SPECC1: variants seen among roughly 807,000 people sequenced by gnomAD.
SPECC1 encodes the protein cytospin-B.
In SPECC1, 62 loss-of-function variants were observed where a neutral mutation model predicts 104.1. The observed-to-expected ratio is 0.60, with a 90% CI of 0.49 to 0.74. The LOEUF (loss-of-function observed/expected upper bound fraction) is 0.74, where lower values mean the gene tolerates loss of function less well. SPECC1 is among the 30% of genes least tolerant of loss of function. The pLI is 0.00. For synonymous variants in SPECC1, 513 were observed against 501.6 expected, an observed-to-expected ratio of 1.02 and a Z score of -0.30; for missense variants, 1,306 against 1,310.5, an observed-to-expected ratio of 1.00 and a Z score of 0.05.
intron 1 of SPECC1, among the ~76,000 whole-genome samples, chr17:20,014,989 A>G (rs954229101): frequency 1.3e-5 from 2 of 152,166 alleles, no homozygotes; most frequent in African/African-American, 2.4e-5. Flanking sequence ...TCCTGACCTC[A>G]GGTGATCCAC....
Position 20,132,791 on chromosome 17 carries a change from G to A in SPECC1, c.283+22229G>A, listed in dbSNP as rs557976569. Among the ~76,000 whole-genome samples, 13 of 151,988 alleles carry A rather than the reference G, an allele frequency of 8.6e-5. No homozygotes were observed. In the South Asian group the frequency reaches 2.5e-3, roughly 29 times the overall value. ...GTCTCGCTCTGTCACCCAGGCTGGA[G>A]TGCAGTGGCGTGATCTCGGCTCACT... On this transcript the variant is annotated intron_variant, in intron 3 of 14. Coordinates refer to ENST00000395527, the MANE Select transcript of SPECC1 (RefSeq NM_001243439.2).
chr17:20,109,789 C>T (rs2048392282), intron 2 of SPECC1, among the ~76,000 whole-genome samples: 1 of 152,116 alleles, frequency 6.6e-6, no homozygotes, highest in African/African-American at 2.4e-5. Context: ...GCCTTTTGTG[C>T]ATCTCCCAGT....
intron 12 of SPECC1, chr17:20,290,274 A>G (rs1320845032): frequency 1.3e-5 from 2 of 152,082 alleles, no homozygotes; most frequent in African/African-American, 2.4e-5. Flanking sequence ...CTTTGGCAAC[A>G]TACATACCAA....
intron 1 of SPECC1, among the ~76,000 whole-genome samples, chr17:20,023,735 C>T (rs76965466): frequency 0.069 from 10,477 of 151,778 alleles, 975 homozygotes; most frequent in African/African-American, 0.21. Context: ...AAAATCCACA[C>T]GTGGAATCGT....
chr17:20,183,329 T>C (rs888910797), intron 3 of SPECC1, among the ~76,000 whole-genome samples: 13 of 152,222 alleles, frequency 8.5e-5, no homozygotes, highest in Admixed American at 1.3e-4. Context: ...ATTGAAAATA[T>C]GTTTCTCTTG....
chr17:20,310,807 T>A (rs2041908674), intron 14 of SPECC1, among the ~76,000 whole-genome samples: 1 of 152,260 alleles, frequency 6.6e-6, no homozygotes. Flanking sequence ...GTAAACTTAA[T>A]GAGCTGTGCT....
At position 20,125,731 on chromosome 17, in the gene SPECC1, C is replaced by T. The variant is rs1328166171; in HGVS notation, c.283+15169C>T. On this transcript the variant is annotated intron_variant, in intron 3 of 14. Transcript: ENST00000395527. ...TTCCTTTTAAAGGCTGAATAATATT[C>T]GATCGTCTGGATAGCCACACTTTGT... Among the ~76,000 whole-genome samples the T allele has an allele frequency of 2.6e-5, 4 of 152,228 alleles. No individual in the cohort carries two copies. The East Asian group carries it at 5.8e-4, about 22-fold the overall frequency.
intron 3 of SPECC1, among the ~76,000 whole-genome samples, chr17:20,113,209 G>A (rs538868390): frequency 1.3e-5 from 2 of 151,994 alleles, no homozygotes; most frequent in Admixed American, 1.3e-4. Context: ...AATAGATATA[G>A]GGAAACTAGA....
At chr17:20,145,281 A>G (rs764990337) in intron 3 of SPECC1, among the ~76,000 whole-genome samples, 3 of 152,328 alleles carry the variant, frequency 2.0e-5, no homozygotes, top group South Asian at 2.1e-4. Context: ...GCTTGTAAGT[A>G]GAGAAAAAGA....
At chr17:20,060,470 G>A (rs1435937835) in intron 1 of SPECC1, among the ~76,000 whole-genome samples, 1 of 151,984 alleles carries the variant, frequency 6.6e-6, no homozygotes, top group East Asian at 1.9e-4. Context: ...AACACAGTGA[G>A]ACTCCGACTC....
Position 20,255,126 on chromosome 17 carries a change from A to G in SPECC1, c.2680+1540A>G, listed in dbSNP as rs140562820. 8.5e-5 allele frequency among the ~76,000 whole-genome samples: 13 copies of G among 152,236 alleles called. No homozygotes were observed. In the East Asian group the frequency reaches 2.3e-3, roughly 27 times the overall value. On this transcript the variant is annotated intron_variant, in intron 10 of 14. Coordinates refer to ENST00000395527, the MANE Select transcript of SPECC1 (RefSeq NM_001243439.2). ...GTGATTGCTCGAGTAATAGCTTTCT[A>G]AAGTGGTGAAAGTTTACGTGGGACT...
At chr17:20,292,719 C>T (rs962887976) in intron 12 of SPECC1, among the ~76,000 whole-genome samples, 2 of 152,194 alleles carry the variant, frequency 1.3e-5, no homozygotes, top group African/African-American at 4.8e-5. Flanking sequence ...GGATCAGCTT[C>T]CCAGTGGCCC....
At chr17:20,057,473 A>T (rs114444304) in intron 1 of SPECC1, among the ~76,000 whole-genome samples, 10,784 of 152,014 alleles carry the variant, frequency 0.071, 535 homozygotes, top group African/African-American at 0.14. Context: ...AACAGCAAAA[A>T]ACAGGAAGGT....
intron 7 of SPECC1, among the ~76,000 whole-genome samples, chr17:20,234,815 G>A (rs546382841): frequency 6.6e-6 from 1 of 152,338 alleles, no homozygotes; most frequent in African/African-American, 2.4e-5. Context: ...AAGCACCTGG[G>A]CAGAAATGCA....
At chr17:20,256,069 G>T (rs567054940) in intron 10 of SPECC1, among the ~76,000 whole-genome samples, 149 of 151,982 alleles carry the variant, frequency 9.8e-4, no homozygotes, top group Non-Finnish European at 1.8e-3. Flanking sequence ...AGTAGAGATG[G>T]GGTTTCACCG....
Position 20,212,152 on chromosome 17 carries a change from C to G in SPECC1, c.1863+6240C>G, listed in dbSNP as rs186655798. On this transcript the variant is annotated intron_variant, in intron 4 of 14. Transcript: ENST00000395527. ...CTGAAGTGTAAATAAACTAACATTT[C>G]CTCCTCTCCCTTGGTGGAGCAGCAT... 4.6e-5 allele frequency among the ~76,000 whole-genome samples: 7 copies of G among 152,286 alleles called. No individual in the cohort carries two copies. The East Asian group carries it at 1.4e-3, about 29-fold the overall frequency.
intron 14 of SPECC1, among the ~76,000 whole-genome samples, chr17:20,311,303 C>T (rs2041924156): frequency 6.6e-6 from 1 of 152,048 alleles, no homozygotes; most frequent in Non-Finnish European, 1.5e-5. Flanking sequence ...AGTTTTATGT[C>T]TCCCTTTCCA....
chr17:20,300,670 G>A (rs992419524), intron 13 of SPECC1, among the ~76,000 whole-genome samples: 3 of 152,366 alleles, frequency 2.0e-5, no homozygotes, highest in South Asian at 2.1e-4. Flanking sequence ...TAGTCTCTGC[G>A]ATTCTGAGCG....
At chr17:20,112,857 C>T in intron 3 of SPECC1, 1 of 1,591,386 alleles carries the variant, frequency 6.3e-7, no homozygotes, top group Non-Finnish European at 8.6e-7. Flanking sequence ...GCAACTCTGG[C>T]AGGAACTGAT....
Sources: allele counts gnomAD v4.1 joint callset (sites outside exome capture counted in the v4.1 genomes callset), GRCh38; gene constraint gnomAD v4.1.1; transcripts MANE v1.5; gene names NCBI Gene and HGNC (gene_info 2026-07-23, HGNC 2026-07-21).